PRRC2C: variants seen among roughly 807,000 people sequenced by gnomAD.
PRRC2C encodes proline rich coiled-coil 2C, also known as protein PRRC2C.
A neutral mutation model predicts 317.2 loss-of-function variants in PRRC2C; 72 were observed. The observed-to-expected ratio is 0.23, with a 90% CI of 0.19 to 0.28. The LOEUF is 0.28. Among genes scored for constraint, PRRC2C ranks in the 10% least tolerant of loss-of-function variants. The probability of loss-of-function intolerance (pLI) is 1.00; values close to 1 mark genes in which losing one functional copy is unlikely to be tolerated. For synonymous variants in PRRC2C, 1,296 were observed against 1,205.9 expected (o/e 1.07, Z -1.55); for missense variants, 3,074 against 3,459.7 (o/e 0.89, Z 2.80).
At chr1:171,559,517 T>C (rs978972033) in intron 19 of PRRC2C, among the ~76,000 whole-genome samples, 2 of 126,024 alleles carry the variant, frequency 1.6e-5, no homozygotes, top group African/African-American at 3.4e-5. Context: ...TTGTTTTTTT[T>C]TTTTTTTTTT....
chr1:171,503,523 C>T, intron 1 of PRRC2C, among the ~76,000 whole-genome samples: 1 of 126,464 alleles, frequency 7.9e-6, no homozygotes, highest in Non-Finnish European at 1.7e-5. Flanking sequence ...GACTCCATCT[C>T]AAAAAAAAAA....
Position 171,557,241 on chromosome 1 carries a change from T to G in PRRC2C, c.5129T>G (p.Val1710Gly). Residue 1710 changes from valine (V) to glycine (G), a missense_variant and splice_region_variant, in exon 19 of 35, where the codon GTC (valine) becomes GGC (glycine). Val to Gly is a moderately radical substitution (Grantham distance 109, BLOSUM62 -3). Around this residue, in one of 11 missense-constraint regions of PRRC2C, gnomAD observed 640 missense variants for 676.1 expected, o/e 0.95. Coordinates refer to ENST00000647382, the MANE Select transcript of PRRC2C (RefSeq NM_001387844.1). ...RRKKEEQVIQ[V>G]WNKKNANEKG... ...AATGGTCCCCGTTAATTTTTTAAGG[T>G]CTGGAACAAAAAGAATGCAAATGAA... 1 of 1,542,786 alleles carries G rather than the reference T, an allele frequency of 6.5e-7. No homozygotes were observed. The highest frequency in any genetic ancestry group is 8.7e-7 in the Non-Finnish European group (1 of 1,142,886).
intron 6 of PRRC2C, among the ~76,000 whole-genome samples, chr1:171,520,797 C>CA (rs1553214372): frequency 2.7e-5 from 3 of 109,328 alleles, no homozygotes; most frequent in South Asian, 3.5e-4. Context: ...ATTTCTTCTC[C>CA]TTTTTTTTTT....
At chr1:171,536,875 T>C in intron 14 of PRRC2C, among the ~76,000 whole-genome samples, 1 of 152,242 alleles carries the variant, frequency 6.6e-6, no homozygotes, top group Admixed American at 6.5e-5. Context: ...GGTAGGTTAA[T>C]GGAATTTAGG....
chr1:171,522,186 C>G lies in PRRC2C; in HGVS notation c.760C>G (p.Gln254Glu). ...RAMMPPYMFQ[Q>E]YPRMTYPPLH... Reference sequence around the variant, plus strand: ...TGTTTCCTTCATTCAGATGTTCCAACAGTATCCGAGGATGACATATCCTCC... The same window carrying G: ...TGTTTCCTTCATTCAGATGTTCCAAGAGTATCCGAGGATGACATATCCTCC... Residue 254 changes from glutamine to glutamate, a missense_variant, in exon 7 of 35, where the codon CAG becomes GAG. Gln to Glu is a conservative substitution (Grantham distance 29, BLOSUM62 2). Coordinates refer to ENST00000647382, the MANE Select transcript of PRRC2C (RefSeq NM_001387844.1). 1 of 1,571,560 alleles carries G rather than the reference C, an allele frequency of 6.4e-7. No homozygotes were observed. The highest frequency in any genetic ancestry group is 8.7e-7 in the Non-Finnish European group (1 of 1,150,846).
intron 10 of PRRC2C, among the ~76,000 whole-genome samples, chr1:171,526,803 A>ATTTT (rs1557918055): frequency 1.2e-5 from 1 of 85,796 alleles, no homozygotes; most frequent in Non-Finnish European, 2.4e-5. Flanking sequence ...TCAGAAATAT[A>ATTTT]TCTTTTTTTT....
intron 20 of PRRC2C, among the ~76,000 whole-genome samples, chr1:171,562,081 A>G (rs1412985626): frequency 1.3e-5 from 2 of 152,228 alleles, no homozygotes; most frequent in Non-Finnish European, 2.9e-5. Context: ...AAGGTTCACA[A>G]AGACAGTTTA....
intron 20 of PRRC2C, among the ~76,000 whole-genome samples, chr1:171,563,624 T>G (rs1212185086): frequency 6.6e-6 from 1 of 152,162 alleles, no homozygotes; most frequent in Admixed American, 6.5e-5. Context: ...TAAAAGATTT[T>G]TTTTTCTTTA....
chr1:171,567,237 GT>G, intron 22 of PRRC2C, among the ~76,000 whole-genome samples: 1 of 152,034 alleles, frequency 6.6e-6, no homozygotes, highest in South Asian at 2.1e-4. Context: ...AGTATAGCCA[GT>G]TTTTTTTCAT....
intron 1 of PRRC2C, among the ~76,000 whole-genome samples, chr1:171,507,420 G>A (rs1278377627): frequency 6.6e-6 from 1 of 152,140 alleles, no homozygotes; most frequent in Non-Finnish European, 1.5e-5. Context: ...AGACCACCCT[G>A]ACCAACATGG....
rs1461182365 is a variant in PRRC2C at position 171,532,653 on chromosome 1, A to C, written c.1565A>C (p.Glu522Ala). ...EKEREREKEL[E>A]KEQEQEREKE... ...GAACGGGAGCGTGAGAAAGAACTTG[A>C]AAAAGAACAAGAACAGGAGCGAGAG... Residue 522 changes from glutamate (E) to alanine (A), a missense_variant, in exon 12 of 35, where the codon GAA becomes GCA. By Grantham distance (107) the Glu-to-Ala change is moderately radical. This residue lies in a region of PRRC2C where 1,320 missense variants were observed against 1,395.7 expected (regional missense o/e 0.95). Transcript: ENST00000647382. 3.2e-6 allele frequency: 5 copies of C among 1,551,798 alleles called. No individual in the cohort carries two copies. The South Asian group carries it at 6.0e-5, about 18-fold the overall frequency.
intron 1 of PRRC2C, among the ~76,000 whole-genome samples, chr1:171,492,743 T>TTTAC (rs1383539524): frequency 6.7e-6 from 1 of 148,320 alleles, no homozygotes; most frequent in Non-Finnish European, 1.5e-5. Context: ...TTTAATTTTA[T>TTTAC]TTATTTATTT....
chr1:171,528,337 G>A (rs967920328), intron 11 of PRRC2C, among the ~76,000 whole-genome samples: 8 of 149,050 alleles, frequency 5.4e-5, no homozygotes, highest in African/African-American at 7.4e-5. Flanking sequence ...CGCCCAGGCC[G>A]GAGTGCAGTG....
chr1:171,500,959 C>T (rs1390899028), intron 1 of PRRC2C, among the ~76,000 whole-genome samples: 1 of 152,102 alleles, frequency 6.6e-6, no homozygotes, highest in African/African-American at 2.4e-5. Context: ...AGTGCAGTGG[C>T]GCCATCATGG....
intron 22 of PRRC2C, among the ~76,000 whole-genome samples, chr1:171,567,375 G>A (rs1267915157): frequency 2.6e-5 from 4 of 152,128 alleles, no homozygotes; most frequent in Non-Finnish European, 5.9e-5. Flanking sequence ...TTGACCATGG[G>A]AACAGACACT....
At chr1:171,529,443 C>T (rs1211902157) in intron 11 of PRRC2C, among the ~76,000 whole-genome samples, 2 of 152,146 alleles carry the variant, frequency 1.3e-5, no homozygotes, top group African/African-American at 4.8e-5. Context: ...TCCTGTCTTT[C>T]CCATTTCAGG....
rs1399780233 is a variant in PRRC2C at position 171,541,116 on chromosome 1, C to T, written c.3650C>T (p.Thr1217Ile). 6.2e-7 allele frequency: 1 copy of T among 1,613,682 alleles called. No individual in the cohort carries two copies. The highest frequency in any genetic ancestry group is 1.7e-5 in the Admixed American group (1 of 59,962). Residue 1217 changes from threonine to isoleucine, a missense_variant, in exon 16 of 35, where the codon ACT becomes ATT. This residue lies in a region of PRRC2C where 1,320 missense variants were observed against 1,395.7 expected (regional missense o/e 0.95). Coordinates refer to ENST00000647382, the MANE Select transcript of PRRC2C (RefSeq NM_001387844.1). The surrounding 1 kb of genome is among the most constrained non-coding windows in gnomAD (Gnocchi z 4.1). Reference sequence around the variant, plus strand: ...CGTGGCAGGGGTGGTAGGGGACACACTCGAGATTATCCTCAGTATAGAGAC... The same window carrying T: ...CGTGGCAGGGGTGGTAGGGGACACATTCGAGATTATCCTCAGTATAGAGAC... ...GGRGRGGRGH[T>I]RDYPQYRDNK...
intron 18 of PRRC2C, among the ~76,000 whole-genome samples, chr1:171,556,594 A>G (rs144928943): frequency 2.4e-4 from 37 of 152,322 alleles, no homozygotes; most frequent in Admixed American, 7.8e-4. Context: ...TCTTTACTTT[A>G]ACAACATATC....
chr1:171,577,838 C>T (rs57268639), intron 26 of PRRC2C, among the ~76,000 whole-genome samples: 11,354 of 134,494 alleles, frequency 0.084, 1,526 homozygotes, highest in African/African-American at 0.3. Context: ...ATTGCAGTGA[C>T]GCGGTCTTGG....
Sources: gnomAD v4.1 joint callset for allele counts (sites outside exome capture counted in the v4.1 genomes callset) on GRCh38, gnomAD v4.1.1 for gene constraint, gnomAD v4.1.1 regional missense constraint, Gnocchi (gnomAD v3.1) non-coding constraint, MANE v1.5 for transcripts, NCBI Gene and HGNC (gene_info 2026-07-23, HGNC 2026-07-21) for gene names.